The following DYNC1I1 variants were observed in gnomAD, a reference collection of about 807,000 sequenced individuals.
DYNC1I1 encodes cytoplasmic dynein 1 intermediate chain 1.
Under a neutral mutation model 86.6 loss-of-function variants are expected in DYNC1I1, and 43 were observed. The ratio of observed to expected loss-of-function variants is 0.50; its 90% CI spans 0.39 to 0.64. The LOEUF is 0.64. DYNC1I1 is among the 30% of genes least tolerant of loss of function. The probability of loss-of-function intolerance (pLI) is 0.00; values close to 1 mark genes in which losing one functional copy is unlikely to be tolerated. For missense variants in DYNC1I1, 604 were observed against 788.8 expected, an observed-to-expected ratio of 0.77 and a Z score of 2.81; for synonymous variants, 262 against 283.7, an observed-to-expected ratio of 0.92 and a Z score of 0.77.
chr7:95,836,117 T>C (rs1275339765), intron 5 of DYNC1I1, among the ~76,000 whole-genome samples: 2 of 152,216 alleles, frequency 1.3e-5, no homozygotes, highest in Non-Finnish European at 2.9e-5. Flanking sequence ...GTACCAATTG[T>C]TCCTTTCCAT....
intron 10 of DYNC1I1, among the ~76,000 whole-genome samples, chr7:96,002,397 G>A (rs768058431): frequency 6.6e-6 from 1 of 152,202 alleles, no homozygotes; most frequent in Non-Finnish European, 1.5e-5. Context: ...CTGGGAGGAA[G>A]TTAAGTACAT....
At chr7:96,057,146 A>C (rs559052748) in intron 14 of DYNC1I1, among the ~76,000 whole-genome samples, 44 of 152,338 alleles carry the variant, frequency 2.9e-4, no homozygotes, top group African/African-American at 1.0e-3. Flanking sequence ...AGAACTTGTT[A>C]AACAAGGTGG....
At chr7:96,014,387 C>T (rs148137308) in intron 10 of DYNC1I1, among the ~76,000 whole-genome samples, 12 of 152,262 alleles carry the variant, frequency 7.9e-5, no homozygotes, top group East Asian at 1.9e-4. Flanking sequence ...GCTGCTTTTT[C>T]GGAATCTGAA....
chr7:95,824,752 A>G (rs867375179), intron 4 of DYNC1I1, among the ~76,000 whole-genome samples: 1 of 152,210 alleles, frequency 6.6e-6, no homozygotes, highest in Non-Finnish European at 1.5e-5. Flanking sequence ...CACTGAAGCC[A>G]TATCCAGGAC....
chr7:96,083,378 A>T (rs1321368195), intron 16 of DYNC1I1, among the ~76,000 whole-genome samples: 8 of 151,510 alleles, frequency 5.3e-5, no homozygotes, highest in Admixed American at 3.9e-4. Flanking sequence ...ATCGCTGAAG[A>T]CCTCGTCTGT....
At chr7:95,978,884 C>G (rs1793380437) in intron 7 of DYNC1I1, among the ~76,000 whole-genome samples, 2 of 152,180 alleles carry the variant, frequency 1.3e-5, no homozygotes, top group African/African-American at 2.4e-5. Context: ...CAACCTCTGC[C>G]TCCCAGGTTC....
intron 5 of DYNC1I1, among the ~76,000 whole-genome samples, chr7:95,852,802 G>A (rs1018280040): frequency 5.9e-5 from 9 of 152,022 alleles, no homozygotes; most frequent in African/African-American, 9.7e-5. Context: ...CACCGCACCC[G>A]GTGTCTTCTC....
intron 11 of DYNC1I1, among the ~76,000 whole-genome samples, chr7:96,031,580 TA>T (rs1208466117): frequency 4.6e-5 from 7 of 152,198 alleles, no homozygotes; most frequent in Non-Finnish European, 7.3e-5. Flanking sequence ...GATGAGTAGC[TA>T]CATTAGATGA....
At chr7:95,926,854 T>A (rs956032243) in intron 6 of DYNC1I1, among the ~76,000 whole-genome samples, 1 of 152,186 alleles carries the variant, frequency 6.6e-6, no homozygotes, top group African/African-American at 2.4e-5. Context: ...TTTTTCAACA[T>A]GGACAGCACT....
At position 95,969,101 on chromosome 7, in the gene DYNC1I1, A is replaced by T. The variant is rs80281981; in HGVS notation, c.491-8411A>T. 7.0e-3 allele frequency among the ~76,000 whole-genome samples: 1,069 copies of T among 152,342 alleles called. 15 individuals are homozygous for T. Among genetic ancestry groups the T allele is most frequent in the African/African-American group, 0.024 (1,004 of 41,580 alleles). On this transcript the variant is annotated intron_variant, in intron 6 of 16. Coordinates refer to ENST00000447467, the MANE Select transcript of DYNC1I1 (RefSeq NM_001135556.2). Reference sequence around the variant, plus strand: ...AGTATCTCACCTTCCCACATCCCATAAAATCTGCAATTTGCCATTACAGGT... The same window carrying T: ...AGTATCTCACCTTCCCACATCCCATTAAATCTGCAATTTGCCATTACAGGT...
At chr7:95,846,715 A>G (rs1789442964) in intron 5 of DYNC1I1, among the ~76,000 whole-genome samples, 2 of 149,374 alleles carry the variant, frequency 1.3e-5, no homozygotes, top group Middle Eastern at 6.9e-3. Flanking sequence ...GTGGTGCCCC[A>G]TGCTCACCAT....
chr7:95,781,988 C>T (rs987017700), intron 1 of DYNC1I1, among the ~76,000 whole-genome samples: 1 of 152,122 alleles, frequency 6.6e-6, no homozygotes, highest in African/African-American at 2.4e-5. Flanking sequence ...TGGACCAACA[C>T]AACAAAAAAA....
At chr7:95,781,998 A>G (rs972467606) in intron 1 of DYNC1I1, among the ~76,000 whole-genome samples, 2 of 152,110 alleles carry the variant, frequency 1.3e-5, no homozygotes, top group Non-Finnish European at 1.5e-5. Flanking sequence ...CAACAAAAAA[A>G]TTTTCTTGGC....
At chr7:95,905,526 C>T (rs188750278) in intron 6 of DYNC1I1, among the ~76,000 whole-genome samples, 3 of 152,190 alleles carry the variant, frequency 2.0e-5, no homozygotes, top group African/African-American at 7.2e-5. Flanking sequence ...TTCTAAGACT[C>T]ATGCTAATAT....
In DYNC1I1 at chr7:96,097,861, C is replaced by T. The variant is rs947742667; in HGVS notation, c.*268C>T. 1.8e-5 allele frequency: 21 copies of T among 1,174,180 alleles called. No individual in the cohort carries two copies. The highest frequency in any genetic ancestry group is 1.9e-5 in the Non-Finnish European group (18 of 943,968). The allele number at this position is 1,174,180 out of a possible 1,614,324, so 72.7% of individuals were successfully genotyped here. On this transcript the variant is annotated 3_prime_UTR_variant, in exon 17 of 17. Transcript: ENST00000447467. ...TATGGGTTAAGTTGCTGCCTTTTAACTACTTTGTAGCTGTATTTAATAGCT... is the reference window on the plus strand; with the variant it reads ...TATGGGTTAAGTTGCTGCCTTTTAATTACTTTGTAGCTGTATTTAATAGCT...
chr7:95,874,982 A>G (rs1191870451), intron 6 of DYNC1I1, among the ~76,000 whole-genome samples: 1 of 152,204 alleles, frequency 6.6e-6, no homozygotes, highest in Non-Finnish European at 1.5e-5. Context: ...TGTTAGGCTC[A>G]TGATTTAAAC....
intron 2 of DYNC1I1, among the ~76,000 whole-genome samples, chr7:95,809,271 A>G (rs1794773063): frequency 6.6e-6 from 1 of 152,078 alleles, no homozygotes. Flanking sequence ...AGTTGCATAA[A>G]CTCTTTCTGC....
chr7:95,970,775 G>T (rs556767692), intron 6 of DYNC1I1, among the ~76,000 whole-genome samples: 1 of 152,264 alleles, frequency 6.6e-6, no homozygotes, highest in African/African-American at 2.4e-5. Flanking sequence ...CATTTACTCT[G>T]GTTGTAGAGA....
chr7:95,969,842 C>G (rs564623741), intron 6 of DYNC1I1, among the ~76,000 whole-genome samples: 1 of 152,178 alleles, frequency 6.6e-6, no homozygotes, highest in East Asian at 1.9e-4. Context: ...GTGCTCTGTA[C>G]GATGAGAAAT....
Sources: gnomAD v4.1 joint callset for allele counts (sites outside exome capture counted in the v4.1 genomes callset) on GRCh38, gnomAD v4.1.1 for gene constraint, MANE v1.5 for transcripts, NCBI Gene and HGNC (gene_info 2026-07-23, HGNC 2026-07-21) for gene names.